The following LBP variants were observed in gnomAD, a reference collection of about 807,000 sequenced individuals.
LBP encodes the protein lipopolysaccharide binding protein, also known as lipopolysaccharide-binding protein.
Under a neutral mutation model 56.6 loss-of-function variants are expected in LBP, and 53 were observed. The observed-to-expected ratio is 0.94, with a 90% confidence interval of 0.75 to 1.18. The LOEUF (loss-of-function observed/expected upper bound fraction) is 1.18. Among genes scored for constraint, LBP ranks in the 50% most tolerant of loss-of-function variants. The probability of loss-of-function intolerance (pLI) is 0.00; values close to 1 mark genes in which losing one functional copy is unlikely to be tolerated. For synonymous variants in LBP, 227 were observed against 247.5 expected, an observed-to-expected ratio of 0.92 and a Z score of 0.78; for missense variants, 601 against 598.3, an observed-to-expected ratio of 1.00 and a Z score of -0.05.
At chr20:38,366,878 CCA>C (rs1296740307) in intron 9 of LBP, 50 bp downstream of exon 9, 7 of 1,518,936 alleles carry the variant, frequency 4.6e-6, no homozygotes, top group Non-Finnish European at 6.4e-6. Flanking sequence ...CTACTAGACT[CCA>C]GAGGTTTCTC....
intron 2 of LBP, 122 bp from the exon 3 acceptor site, chr20:38,350,689 G>C: frequency 1.2e-5 from 13 of 1,124,870 alleles, no homozygotes; most frequent in Non-Finnish European, 1.5e-5. Flanking sequence ...GGCACAGCAG[G>C]TGCTTACCTG....
At chr20:38,366,538 A>G (rs1428453816) in intron 8 of LBP, among the ~76,000 whole-genome samples, 1 of 152,024 alleles carries the variant, frequency 6.6e-6, no homozygotes, top group Admixed American at 6.6e-5. Flanking sequence ...ACCCTCGCAG[A>G]CCCTCTGAGT....
rs1359795389 is a variant in LBP at position 38,360,491 on chromosome 20, A to G, written c.589-213A>G. Reference sequence around the variant, plus strand: ...TGTCCAGCCCTGGGACAGACTGAAAAGTCCAACTGGACCCTAGTGGAGTCC... The same window carrying G: ...TGTCCAGCCCTGGGACAGACTGAAAGGTCCAACTGGACCCTAGTGGAGTCC... On this transcript the variant is annotated intron_variant, in intron 5 of 14. Transcript: ENST00000217407. 3.3e-5 allele frequency among the ~76,000 whole-genome samples: 5 copies of G among 152,278 alleles called. No homozygotes were observed. The East Asian group carries it at 5.8e-4, about 18-fold the overall frequency.
At chr20:38,373,403 G>A (rs533305754) in intron 13 of LBP, among the ~76,000 whole-genome samples, 1 of 152,166 alleles carries the variant, frequency 6.6e-6, no homozygotes, top group East Asian at 1.9e-4. Context: ...ACATGGAAGT[G>A]CCCCACATCC....
chr20:38,375,275 T>C (rs1028313398), intron 14 of LBP, among the ~76,000 whole-genome samples: 1 of 151,882 alleles, frequency 6.6e-6, no homozygotes, highest in East Asian at 1.9e-4. Flanking sequence ...CCTTTTTTTT[T>C]AAAACTTAAA....
chr20:38,359,368 G>A (rs138190363), intron 5 of LBP, among the ~76,000 whole-genome samples: 15 of 152,130 alleles, frequency 9.9e-5, no homozygotes, highest in African/African-American at 3.6e-4. Flanking sequence ...ACCATTTGAG[G>A]TCAGAAGTTC....
chr20:38,369,025 G>C lies in LBP; in HGVS notation c.1012G>C (p.Glu338Gln). The C allele has an allele frequency of 1.9e-6, 3 of 1,614,128 alleles. No homozygotes were observed. The highest frequency in any genetic ancestry group is 1.7e-6 in the Non-Finnish European group (2 of 1,180,018). ...CAGGCTCTACCCCAACATGAACCTGGAACTCCAGGGATCAGTGCCCTCTGC... is the reference window on the plus strand; with the variant it reads ...CAGGCTCTACCCCAACATGAACCTGCAACTCCAGGGATCAGTGCCCTCTGC... ...LARLYPNMNL[E>Q]LQGSVPSAPL... The change falls in exon 10 of 15, where the codon GAA (glutamate) becomes CAA (glutamine). Residue 338 changes from glutamate (E) to glutamine (Q), a missense_variant. By Grantham distance (29) the Glu-to-Gln change is conservative (BLOSUM62 2). Transcript: ENST00000217407.
intron 7 of LBP, 76 bp downstream of exon 7, chr20:38,364,142 C>G (rs11536976): frequency 8.7e-5 from 85 of 972,690 alleles, no homozygotes; most frequent in Non-Finnish European, 1.2e-4. Flanking sequence ...ACCTGTCCCC[C>G]CAACTTCAGA....
At position 38,360,727 on chromosome 20, in the gene LBP, A is replaced by C. The variant is rs2232596; in HGVS notation, c.612A>C (p.Ser204=). 6.2e-7 allele frequency: 1 copy of C among 1,611,916 alleles called. No individual in the cohort carries two copies. The highest frequency in any genetic ancestry group is 8.5e-7 in the Non-Finnish European group (1 of 1,178,436). ...AGATTTGCGAAATGATCCAGAAATCAGTGTCCTCCGATCTACAGCCTTATC... is the reference window on the plus strand; with the variant it reads ...AGATTTGCGAAATGATCCAGAAATCCGTGTCCTCCGATCTACAGCCTTATC... ...ESRICEMIQK[S]VSSDLQPYLQ... Residue 204 remains serine, a synonymous_variant, in exon 6 of 15, where the codon TCA becomes TCC. Transcript: ENST00000217407.
intron 1 of LBP, among the ~76,000 whole-genome samples, chr20:38,348,776 TAG>T (rs1491192102): frequency 4.9e-4 from 64 of 131,182 alleles, no homozygotes; most frequent in African/African-American, 1.6e-3. Flanking sequence ...TAGTTTAGTT[TAG>T]TTTAGTTTAG....
intron 3 of LBP, among the ~76,000 whole-genome samples, chr20:38,352,170 C>A (rs951677798): frequency 6.6e-6 from 1 of 152,138 alleles, no homozygotes; most frequent in African/African-American, 2.4e-5. Context: ...ATGTAATCAC[C>A]TCTTCAAAGG....
At chr20:38,370,868 C>T in intron 11 of LBP, 63 bp downstream of exon 11, 1 of 1,344,084 alleles carries the variant, frequency 7.4e-7, no homozygotes, top group South Asian at 1.2e-5. Context: ...GCTGTAGCTG[C>T]TTCTCTGTAG....
chr20:38,362,250 C>A (rs1347774574), intron 6 of LBP, among the ~76,000 whole-genome samples: 1 of 148,832 alleles, frequency 6.7e-6, no homozygotes, highest in Admixed American at 6.6e-5. Context: ...TTAGTAGAGA[C>A]GGGGTTTCAC....
chr20:38,365,472 G>A (rs1001810973), intron 8 of LBP, among the ~76,000 whole-genome samples: 6 of 151,478 alleles, frequency 4.0e-5, no homozygotes, highest in East Asian at 2.0e-4. Context: ...CAAGGTGGGC[G>A]GATCACCTGA....
At chr20:38,354,128 G>A (rs1289799595) in intron 3 of LBP, among the ~76,000 whole-genome samples, 156 bp from the exon 4 acceptor site, 1 of 152,132 alleles carries the variant, frequency 6.6e-6, no homozygotes, top group Non-Finnish European at 1.5e-5. Flanking sequence ...CTGGATCTGG[G>A]CTTTCTTCTA....
At chr20:38,370,861 G>A in intron 11 of LBP, 56 bp downstream of exon 11, 1 of 1,389,048 alleles carries the variant, frequency 7.2e-7, no homozygotes, top group Non-Finnish European at 1.0e-6. Context: ...TCTGTATGCT[G>A]TAGCTGCTTC....
At chr20:38,359,335 C>G (rs535901501) in intron 5 of LBP, among the ~76,000 whole-genome samples, 2 of 152,144 alleles carry the variant, frequency 1.3e-5, no homozygotes, top group South Asian at 4.2e-4. Flanking sequence ...AATCCCAGCA[C>G]TTTGGGAGGC....
At chr20:38,363,667 T>C (rs1429283995) in intron 6 of LBP, among the ~76,000 whole-genome samples, 3 of 152,124 alleles carry the variant, frequency 2.0e-5, no homozygotes, top group African/African-American at 4.8e-5. Flanking sequence ...TGGCTCAGCA[T>C]TAAGCTCCAG....
intron 6 of LBP, among the ~76,000 whole-genome samples, chr20:38,362,953 G>T (rs1204006801): frequency 6.6e-6 from 1 of 152,248 alleles, no homozygotes; most frequent in African/African-American, 2.4e-5. Flanking sequence ...ATCTCAAAAA[G>T]AAATGAAATA....
Sources: gnomAD v4.1 joint callset for allele counts (sites outside exome capture counted in the v4.1 genomes callset) on GRCh38, gnomAD v4.1.1 for gene constraint, MANE v1.5 for transcripts, NCBI Gene and HGNC (gene_info 2026-07-23, HGNC 2026-07-21) for gene names.